PLCH1: variants seen among roughly 807,000 people sequenced by gnomAD.
PLCH1 encodes 1-phosphatidylinositol 4,5-bisphosphate phosphodiesterase eta-1.
PLCH1 carries 60 observed loss-of-function variants against 126.7 expected under a neutral mutation model. The observed-to-expected ratio is 0.47, with a 90% confidence interval of 0.38 to 0.59. The LOEUF is 0.59. PLCH1 is among the 20% of genes least tolerant of loss of function. The pLI, the probability that PLCH1 is intolerant of heterozygous loss-of-function variation, is 0.00. For synonymous variants in PLCH1, 719 were observed against 734.9 expected (o/e 0.98, Z 0.35); for missense variants, 1,723 against 2,040.0 (o/e 0.84, Z 2.99).
chr3:155,575,551 A>T (rs1460630047), intron 6 of PLCH1, among the ~76,000 whole-genome samples: 1 of 152,222 alleles, frequency 6.6e-6, no homozygotes, highest in Non-Finnish European at 1.5e-5. Context: ...ATCCTCTTGG[A>T]ATTAACTATC....
chr3:155,581,768 C>T (rs1386247594), intron 6 of PLCH1, among the ~76,000 whole-genome samples: 1 of 138,268 alleles, frequency 7.2e-6, no homozygotes, highest in Non-Finnish European at 1.6e-5. Flanking sequence ...TTTTTTGAGA[C>T]GGAGTTTCAC....
intron 21 of PLCH1, among the ~76,000 whole-genome samples, chr3:155,460,047 T>G (rs532097013): frequency 6.6e-6 from 1 of 152,160 alleles, no homozygotes; most frequent in Non-Finnish European, 1.5e-5. Context: ...CTCTAGGTGG[T>G]TGAGATGCAC....
intron 19 of PLCH1, among the ~76,000 whole-genome samples, chr3:155,489,152 A>G (rs1715777678): frequency 6.6e-6 from 1 of 152,242 alleles, no homozygotes; most frequent in Admixed American, 6.5e-5. Flanking sequence ...AGACAAAACA[A>G]TAAAGAATGA....
At chr3:155,655,512 A>G (rs1030284523) in intron 2 of PLCH1, among the ~76,000 whole-genome samples, 2 of 152,060 alleles carry the variant, frequency 1.3e-5, no homozygotes, top group African/African-American at 2.4e-5. Flanking sequence ...ATTTTATTGG[A>G]TCAGTCTTGC....
intron 2 of PLCH1, among the ~76,000 whole-genome samples, chr3:155,693,918 GA>G (rs761245941): frequency 2.4e-4 from 36 of 151,110 alleles, no homozygotes; most frequent in African/African-American, 8.5e-4. Flanking sequence ...CCTCAGGAGC[GA>G]AACTCTGTCT....
intron 6 of PLCH1, among the ~76,000 whole-genome samples, chr3:155,576,138 C>T (rs1042060241): frequency 6.6e-6 from 1 of 152,094 alleles, no homozygotes; most frequent in Non-Finnish European, 1.5e-5. Flanking sequence ...AAAAAAAACA[C>T]TCAGCTCCAG....
At chr3:155,571,369 G>C (rs62286075) in intron 6 of PLCH1, among the ~76,000 whole-genome samples, 7,011 of 152,204 alleles carry the variant, frequency 0.046, 222 homozygotes, top group Non-Finnish European at 0.065. Context: ...ACTCCCCAAA[G>C]TCAATAATGC....
At chr3:155,659,290 G>C (rs1362770262) in intron 2 of PLCH1, among the ~76,000 whole-genome samples, 3 of 106,540 alleles carry the variant, frequency 2.8e-5, no homozygotes, top group Non-Finnish European at 5.6e-5. Context: ...GGCGTGAGAT[G>C]TCTATTCACT....
chr3:155,587,311 G>T (rs921441635), intron 4 of PLCH1, among the ~76,000 whole-genome samples: 4 of 152,130 alleles, frequency 2.6e-5, no homozygotes, highest in African/African-American at 9.7e-5. Flanking sequence ...CATGGTACAT[G>T]ATCTTTTCAA....
At chr3:155,580,269 AT>A (rs1730502657) in intron 6 of PLCH1, among the ~76,000 whole-genome samples, 1 of 152,196 alleles carries the variant, frequency 6.6e-6, no homozygotes, top group Non-Finnish European at 1.5e-5. Flanking sequence ...TAAGTAAATA[AT>A]TCAGAAAAAA....
chr3:155,694,127 T>C (rs1471826489), intron 2 of PLCH1, among the ~76,000 whole-genome samples: 1 of 152,100 alleles, frequency 6.6e-6, no homozygotes, highest in Non-Finnish European at 1.5e-5. Flanking sequence ...AAAATAACCA[T>C]TATCAAATTC....
At chr3:155,587,285 T>A (rs1411116099) in intron 4 of PLCH1, among the ~76,000 whole-genome samples, 3 of 152,234 alleles carry the variant, frequency 2.0e-5, no homozygotes, top group African/African-American at 4.8e-5. Flanking sequence ...ACTATCTTTT[T>A]ACCTTCACAA....
At chr3:155,738,735 C>T (rs902774398) in intron 1 of PLCH1, among the ~76,000 whole-genome samples, 1 of 150,790 alleles carries the variant, frequency 6.6e-6, no homozygotes, top group African/African-American at 2.4e-5. Context: ...TGCAGTGAGC[C>T]GAGATCCCCC....
intron 6 of PLCH1, among the ~76,000 whole-genome samples, chr3:155,575,577 G>A (rs1729832262): frequency 6.6e-6 from 1 of 152,194 alleles, no homozygotes; most frequent in African/African-American, 2.4e-5. Context: ...GCATATTTCA[G>A]ATGAAACATT....
chr3:155,545,885 T>A (rs1299576308), intron 10 of PLCH1, among the ~76,000 whole-genome samples: 1 of 152,098 alleles, frequency 6.6e-6, no homozygotes, highest in East Asian at 1.9e-4. Context: ...ATGGGACATA[T>A]CTCAAAATAA....
chr3:155,483,343 G>A (rs567230782), intron 22 of PLCH1: 2 of 1,533,544 alleles, frequency 1.3e-6, no homozygotes, highest in East Asian at 2.5e-5. Flanking sequence ...TTACAGTGAG[G>A]ATTACCTTAA....
chr3:155,494,414 C>A lies in PLCH1; in HGVS notation c.1998G>T (p.Arg666Ser). The change falls in exon 16 of 23, where the codon AGG becomes AGT. Residue 666 changes from arginine to serine, a missense_variant. Coordinates refer to ENST00000460012, the MANE Select transcript of PLCH1 (RefSeq NM_014996.4). ...FMIYNQKQLT[R>S]IYPSAYRIDS... ...CAATGCGGTAGGCAGAGGGGTAAAT[C>A]CTCGTGAGTTGCTTTTGATTATAAA... 1.2e-6 allele frequency: 2 copies of A among 1,614,036 alleles called. No individual in the cohort carries two copies. The highest frequency in any genetic ancestry group is 1.7e-6 in the Non-Finnish European group (2 of 1,179,970).
intron 6 of PLCH1, among the ~76,000 whole-genome samples, chr3:155,570,146 T>C (rs1050104603): frequency 6.6e-6 from 1 of 152,180 alleles, no homozygotes; most frequent in Admixed American, 6.5e-5. Flanking sequence ...AATTGAAATG[T>C]AAGAGTCAAT....
At chr3:155,523,716 G>C (rs531754493) in intron 11 of PLCH1, among the ~76,000 whole-genome samples, 181 bp downstream of exon 11, 1 of 152,252 alleles carries the variant, frequency 6.6e-6, no homozygotes, top group Admixed American at 6.5e-5. Context: ...AAGAATCCTT[G>C]ACTCATTCAT....
Sources: gnomAD v4.1 joint callset for allele counts (sites outside exome capture counted in the v4.1 genomes callset) on GRCh38, gnomAD v4.1.1 for gene constraint, MANE v1.5 for transcripts, NCBI Gene and HGNC (gene_info 2026-07-23, HGNC 2026-07-21) for gene names.